SLC25A21: variants seen among roughly 807,000 people sequenced by gnomAD.
SLC25A21 encodes the protein solute carrier family 25 member 21, also known as mitochondrial 2-oxodicarboxylate carrier.
A neutral mutation model predicts 43.8 loss-of-function variants in SLC25A21; 47 were observed. The ratio of observed to expected loss-of-function variants is 1.07; its 90% CI spans 0.85 to 1.37. The LOEUF is 1.37. SLC25A21 is among the 40% of genes most tolerant of loss of function. The pLI is 0.00. For synonymous variants in SLC25A21, 131 were observed against 121.3 expected, an observed-to-expected ratio of 1.08 and a Z score of -0.52; for missense variants, 352 against 350.2, an observed-to-expected ratio of 1.00 and a Z score of -0.04.
intron 1 of SLC25A21, among the ~76,000 whole-genome samples, chr14:37,123,716 C>G (rs1963250430): frequency 1.3e-5 from 2 of 151,916 alleles, no homozygotes; most frequent in African/African-American, 2.4e-5. Flanking sequence ...ATTTTAAACA[C>G]AGAAACTAAA....
At chr14:37,080,274 G>A (rs1278816380) in intron 1 of SLC25A21, among the ~76,000 whole-genome samples, 2 of 152,112 alleles carry the variant, frequency 1.3e-5, no homozygotes. Context: ...CAGTGTCCCT[G>A]AGGGCACAGA....
chr14:36,932,881 G>T (rs962681156), intron 1 of SLC25A21, among the ~76,000 whole-genome samples: 2 of 151,712 alleles, frequency 1.3e-5, no homozygotes, highest in African/African-American at 2.4e-5. Flanking sequence ...TTATAAAATG[G>T]GAATAATAAG....
chr14:37,091,063 A>T (rs146569263), intron 1 of SLC25A21, among the ~76,000 whole-genome samples: 1 of 152,292 alleles, frequency 6.6e-6, no homozygotes, highest in East Asian at 1.9e-4. Context: ...CTCACAACCA[A>T]CGGCACTATA....
At chr14:36,934,246 T>C (rs1030790165) in intron 1 of SLC25A21, among the ~76,000 whole-genome samples, 1 of 151,954 alleles carries the variant, frequency 6.6e-6, no homozygotes, top group Non-Finnish European at 1.5e-5. Context: ...GCAAAGTACA[T>C]GCCTTTTACT....
chr14:36,939,218 A>C (rs1173185465), intron 1 of SLC25A21, among the ~76,000 whole-genome samples: 1 of 152,082 alleles, frequency 6.6e-6, no homozygotes, highest in Non-Finnish European at 1.5e-5. Flanking sequence ...TCCATGAAAA[A>C]ACAAAAGAAA....
At chr14:36,683,928 G>C (rs770465813) in intron 8 of SLC25A21, 48 bp from the exon 9 acceptor site, 1 of 1,432,982 alleles carries the variant, frequency 7.0e-7, no homozygotes, top group Admixed American at 2.0e-5. Flanking sequence ...AAAATAAATG[G>C]AGTTGTACCT....
intron 2 of SLC25A21, among the ~76,000 whole-genome samples, chr14:36,844,672 G>A (rs1227858376): frequency 6.6e-6 from 1 of 152,164 alleles, no homozygotes; most frequent in Non-Finnish European, 1.5e-5. Flanking sequence ...CAAGTGAGCT[G>A]AGACCAGGCT....
chr14:37,014,759 C>T (rs1960808836), intron 1 of SLC25A21, among the ~76,000 whole-genome samples: 1 of 152,100 alleles, frequency 6.6e-6, no homozygotes, highest in East Asian at 1.9e-4. Flanking sequence ...AATAACAAGA[C>T]TTGAACATTG....
At chr14:36,790,042 G>C (rs1283748448) in intron 3 of SLC25A21, among the ~76,000 whole-genome samples, 3 of 146,608 alleles carry the variant, frequency 2.0e-5, no homozygotes, top group Non-Finnish European at 4.5e-5. Context: ...AAAAGAGAAA[G>C]GTATGCATAA....
intron 3 of SLC25A21, among the ~76,000 whole-genome samples, chr14:36,744,687 A>C (rs1051813035): frequency 6.6e-6 from 1 of 152,218 alleles, no homozygotes; most frequent in African/African-American, 2.4e-5. Context: ...TTTGCACAGC[A>C]AAAGAAATAA....
At chr14:36,888,026 T>C (rs893768676) in intron 1 of SLC25A21, among the ~76,000 whole-genome samples, 2 of 152,092 alleles carry the variant, frequency 1.3e-5, no homozygotes, top group Admixed American at 1.3e-4. Context: ...TAGCTCAAAA[T>C]TGGCCATGGT....
intron 1 of SLC25A21, among the ~76,000 whole-genome samples, chr14:36,933,004 G>T (rs1219012688): frequency 6.6e-6 from 1 of 152,088 alleles, no homozygotes; most frequent in East Asian, 1.9e-4. Context: ...TTGTTGTTTG[G>T]TAGAATTACA....
chr14:36,743,629 CA>C, intron 3 of SLC25A21, among the ~76,000 whole-genome samples: 1 of 152,122 alleles, frequency 6.6e-6, no homozygotes, highest in East Asian at 1.9e-4. Flanking sequence ...AGACAAGGAA[CA>C]AGACAAGGAT....
In SLC25A21 at chr14:36,711,338, T is replaced by C; in HGVS notation, c.583A>G (p.Asn195Asp). Residue 195 changes from asparagine (N) to aspartate (D), a missense_variant, in exon 7 of 10, where the codon AAC (asparagine) becomes GAC (aspartate). Coordinates refer to ENST00000331299, the MANE Select transcript of SLC25A21 (RefSeq NM_030631.4). ...VYFGFYYNVKNMIPVNKDPIL... is the reference protein window; with the variant it reads ...VYFGFYYNVKDMIPVNKDPIL... ...GTTACCTTATTGACAGGAATCATGT[T>C]TTTGACATTGTAGTAGAAGCCAAAA... 6.2e-7 allele frequency: 1 copy of C among 1,613,966 alleles called. No homozygotes were observed. Among genetic ancestry groups the C allele is most frequent in the Non-Finnish European group, 8.5e-7 (1 of 1,179,978 alleles).
At position 36,989,467 on chromosome 14, in the gene SLC25A21, T is replaced by C. The variant is rs1352636507; in HGVS notation, c.71-114463A>G. 2.0e-5 allele frequency among the ~76,000 whole-genome samples: 3 copies of C among 152,010 alleles called. 1 individual carries two copies. The highest frequency in any genetic ancestry group is 4.1e-4 in the South Asian group (2 of 4,826). On this transcript the variant is annotated intron_variant, in intron 1 of 9. Coordinates refer to ENST00000331299, the MANE Select transcript of SLC25A21 (RefSeq NM_030631.4). ...TAGGTATACAATAGTGGAGGTATGATGATGTCCTTGGGTGACAAAAGGACT... is the reference window on the plus strand; with the variant it reads ...TAGGTATACAATAGTGGAGGTATGACGATGTCCTTGGGTGACAAAAGGACT...
chr14:37,007,350 C>T (rs1960626760), intron 1 of SLC25A21, among the ~76,000 whole-genome samples: 1 of 152,144 alleles, frequency 6.6e-6, no homozygotes, highest in East Asian at 1.9e-4. Flanking sequence ...CGCCTGTAAT[C>T]CCAGCACTTT....
intron 1 of SLC25A21, among the ~76,000 whole-genome samples, chr14:37,162,468 A>T (rs1179833217): frequency 6.6e-6 from 1 of 152,248 alleles, no homozygotes; most frequent in Middle Eastern, 3.4e-3. Context: ...ACCCCATCAA[A>T]AAGTGGGCGA....
chr14:36,924,724 A>G (rs141355422), intron 1 of SLC25A21, among the ~76,000 whole-genome samples: 1,683 of 152,280 alleles, frequency 0.011, 23 homozygotes, highest in African/African-American at 0.037. Context: ...TAAAACTAAT[A>G]CAGTATAACA....
chr14:36,813,330 T>C (rs1246917239), intron 3 of SLC25A21, among the ~76,000 whole-genome samples: 2 of 151,930 alleles, frequency 1.3e-5, no homozygotes, highest in African/African-American at 4.8e-5. Context: ...ATTTATTTGA[T>C]CATTTAATAG....
Sources: gnomAD v4.1 joint callset for allele counts (sites outside exome capture counted in the v4.1 genomes callset) on GRCh38, gnomAD v4.1.1 for gene constraint, MANE v1.5 for transcripts, NCBI Gene and HGNC (gene_info 2026-07-23, HGNC 2026-07-21) for gene names.